The following FNIP1 variants were observed in gnomAD, a reference collection of about 807,000 sequenced individuals.
FNIP1 encodes folliculin-interacting protein 1.
In FNIP1, 40 loss-of-function variants were observed where a neutral mutation model predicts 124.5. The observed-to-expected ratio is 0.32, with a 90% CI of 0.25 to 0.42. The LOEUF is 0.42. Ranked by LOEUF, FNIP1 falls within the 10% of genes least tolerant of loss-of-function variation. FNIP1 has a pLI of 1.00. For missense variants in FNIP1, 1,176 were observed against 1,403.7 expected, an observed-to-expected ratio of 0.84 and a Z score of 2.59; for synonymous variants, 472 against 470.6, an observed-to-expected ratio of 1.00 and a Z score of -0.04.
rs1350139480 is a variant in FNIP1 at position 131,656,240 on chromosome 5, G to T, written c.3109-4241C>A. On this transcript the variant is annotated intron_variant, in intron 15 of 17. Coordinates refer to ENST00000510461, the MANE Select transcript of FNIP1 (RefSeq NM_133372.3). ...CTCAAGAAAAGTAGAGAGAAGTTAA[G>T]ATATTACAAGAAAAACTTGAATGGC... Among the ~76,000 whole-genome samples, 4 of 152,294 alleles carry T rather than the reference G, an allele frequency of 2.6e-5. No homozygotes were observed. In the South Asian group the frequency reaches 8.3e-4, roughly 32 times the overall value.
At chr5:131,741,705 A>T (rs1770517814) in intron 2 of FNIP1, among the ~76,000 whole-genome samples, 1 of 152,220 alleles carries the variant, frequency 6.6e-6, no homozygotes, top group African/African-American at 2.4e-5. Context: ...TTTACAAGGA[A>T]AACTGCCATG....
At chr5:131,794,320 A>C (rs1009024047) in intron 1 of FNIP1, among the ~76,000 whole-genome samples, 1 of 151,716 alleles carries the variant, frequency 6.6e-6, no homozygotes, top group East Asian at 1.9e-4. Context: ...AACAATATCA[A>C]TATTGAAGAG....
chr5:131,645,185 G>A (rs952856506), intron 17 of FNIP1, among the ~76,000 whole-genome samples: 1 of 152,032 alleles, frequency 6.6e-6, no homozygotes, highest in African/African-American at 2.4e-5. Context: ...AGCTGGGCAT[G>A]GTGGTGTGTG....
intron 6 of FNIP1, among the ~76,000 whole-genome samples, chr5:131,715,918 T>C (rs969431523): frequency 1.3e-5 from 2 of 152,138 alleles, no homozygotes; most frequent in South Asian, 2.1e-4. Context: ...CTAATTGCTA[T>C]CCCATTCCCT....
rs1457075709 is a variant in FNIP1 at position 131,672,859 on chromosome 5, G to T, written c.1585C>A (p.Gln529Lys). 2 of 1,605,948 alleles carry T rather than the reference G, an allele frequency of 1.2e-6. No homozygotes were observed. Among genetic ancestry groups the T allele is most frequent in the East Asian group, 4.5e-5 (2 of 44,774 alleles). The part of the protein sequence containing the change: ...LARTVVVGKR[Q>K]DMVQRLLYFL... ...TAAAGTAGCCTCTGGACCATGTCTT[G>T]TCGTTTGCCAACTACCACAGTCCTT... Residue 529 changes from glutamine (Q) to lysine (K), a missense_variant, in exon 14 of 18, where the codon CAA (glutamine) becomes AAA (lysine). Transcript: ENST00000510461.
chr5:131,777,548 A>G (rs1050574030), intron 1 of FNIP1, among the ~76,000 whole-genome samples: 5 of 152,256 alleles, frequency 3.3e-5, no homozygotes, highest in African/African-American at 7.2e-5. Context: ...ACATATCATG[A>G]CTGCAACAGA....
At chr5:131,709,878 G>A (rs1427323493) in intron 7 of FNIP1, among the ~76,000 whole-genome samples, 1 of 151,936 alleles carries the variant, frequency 6.6e-6, no homozygotes, top group Non-Finnish European at 1.5e-5. Context: ...AAACAAGAAG[G>A]GCTAAATTGA....
chr5:131,690,405 G>T (rs1284692521), intron 11 of FNIP1, among the ~76,000 whole-genome samples: 1 of 152,102 alleles, frequency 6.6e-6, no homozygotes, highest in Non-Finnish European at 1.5e-5. Context: ...CATGTCAAGG[G>T]ATCAAGACCA....
intron 15 of FNIP1, among the ~76,000 whole-genome samples, chr5:131,654,512 T>C (rs1238836533): frequency 6.6e-6 from 1 of 152,182 alleles, no homozygotes; most frequent in Non-Finnish European, 1.5e-5. Context: ...AATAAAGCTC[T>C]TTCCTGGAAA....
At chr5:131,738,613 T>C (rs1770399307) in intron 2 of FNIP1, among the ~76,000 whole-genome samples, 2 of 152,032 alleles carry the variant, frequency 1.3e-5, no homozygotes, top group Non-Finnish European at 2.9e-5. Context: ...AATTCTCGTG[T>C]CTCAGCCTCC....
chr5:131,693,415 A>G (rs1768584069), intron 11 of FNIP1, among the ~76,000 whole-genome samples: 1 of 145,180 alleles, frequency 6.9e-6, no homozygotes, highest in African/African-American at 2.5e-5. Flanking sequence ...GGAGCCCCCA[A>G]ACAGATTCAC....
In FNIP1 at chr5:131,751,762, G is replaced by A. The variant is rs138875249; in HGVS notation, c.93-7072C>T. 1.6e-3 allele frequency among the ~76,000 whole-genome samples: 239 copies of A among 152,244 alleles called. 1 individual carries two copies. The highest frequency in any genetic ancestry group is 5.6e-3 in the African/African-American group (231 of 41,540). ...AGGAAAAAAAGCCAAACACAAAAAG[G>A]CTACGTATGATGATTCCATTTACAT... On this transcript the variant is annotated intron_variant, in intron 1 of 17. Coordinates refer to ENST00000510461, the MANE Select transcript of FNIP1 (RefSeq NM_133372.3).
At position 131,665,898 on chromosome 5, in the gene FNIP1, A is replaced by ATTT. The variant is rs751409571; in HGVS notation, c.3108+4564_3108+4565insAAA. On this transcript the variant is annotated intron_variant, in intron 15 of 17. Coordinates refer to ENST00000510461, the MANE Select transcript of FNIP1 (RefSeq NM_133372.3). ...GCCACAGCGCTTGGCCTAAAATAAT[A>ATTT]CTTTTTTTTTTTTTTTTTTTTGAGA... Among the ~76,000 whole-genome samples the ATTT allele has an allele frequency of 3.3e-4, 38 of 114,740 alleles. 1 individual carries two copies. The highest frequency in any genetic ancestry group is 4.8e-4 in the East Asian group (2 of 4,158). The allele number at this position is 114,740 out of a possible 152,430, so 75.3% of individuals were successfully genotyped here. A position where few individuals can be genotyped will look rare whatever the true frequency, so the allele number is the denominator to read the frequency against.
chr5:131,704,581 G>A (rs1769015221), intron 9 of FNIP1, among the ~76,000 whole-genome samples: 1 of 152,008 alleles, frequency 6.6e-6, no homozygotes, highest in African/African-American at 2.4e-5. Context: ...AGATGAGTCT[G>A]GTACAATCTT....
At chr5:131,696,707 C>T (rs1042441347) in intron 11 of FNIP1, among the ~76,000 whole-genome samples, 2 of 151,996 alleles carry the variant, frequency 1.3e-5, no homozygotes, top group African/African-American at 4.8e-5. Context: ...GAAATATCAT[C>T]TCAAATACAG....
At chr5:131,739,727 G>A (rs550565517) in intron 2 of FNIP1, among the ~76,000 whole-genome samples, 5 of 151,226 alleles carry the variant, frequency 3.3e-5, no homozygotes, top group African/African-American at 1.2e-4. Context: ...GCAGGAGAAT[G>A]GCGTGAACCC....
intron 2 of FNIP1, among the ~76,000 whole-genome samples, chr5:131,733,936 T>C (rs1235599766): frequency 1.3e-5 from 2 of 152,226 alleles, no homozygotes; most frequent in East Asian, 3.8e-4. Context: ...CTGGTAGAAT[T>C]CGGCTGTGAA....
chr5:131,722,956 T>A (rs1488993977), intron 3 of FNIP1, among the ~76,000 whole-genome samples: 1 of 152,228 alleles, frequency 6.6e-6, no homozygotes, highest in Non-Finnish European at 1.5e-5. Context: ...AGTGCTGGGA[T>A]TACAGGTGTG....
At chr5:131,654,590 A>T (rs540014659) in intron 15 of FNIP1, among the ~76,000 whole-genome samples, 2 of 152,172 alleles carry the variant, frequency 1.3e-5, no homozygotes, top group South Asian at 4.2e-4. Context: ...ATCTAGCTTT[A>T]AAAAAAATGT....
Sources: gnomAD v4.1 joint callset for allele counts (sites outside exome capture counted in the v4.1 genomes callset) on GRCh38, gnomAD v4.1.1 for gene constraint, MANE v1.5 for transcripts, NCBI Gene and HGNC (gene_info 2026-07-23, HGNC 2026-07-21) for gene names.